The following GRIN2B variants were observed in gnomAD, a reference collection of about 807,000 sequenced individuals.
GRIN2B encodes the protein glutamate ionotropic receptor NMDA type subunit 2B.
GRIN2B carries 5 observed loss-of-function variants against 114.5 expected under a neutral mutation model. That is an observed-to-expected ratio of 0.04 (90% CI 0.02 to 0.09). The LOEUF (loss-of-function observed/expected upper bound fraction) is 0.09. Among genes scored for constraint, GRIN2B ranks in the 10% least tolerant of loss-of-function variants. The pLI is 1.00. For synonymous variants in GRIN2B, 787 were observed against 745.1 expected (o/e 1.06, Z -0.92); for missense variants, 1,108 against 1,943.5 (o/e 0.57, Z 8.08).
chr12:13,964,869 A>G (rs1867762050), intron 2 of GRIN2B, among the ~76,000 whole-genome samples: 1 of 152,216 alleles, frequency 6.6e-6, no homozygotes, highest in African/African-American at 2.4e-5. Context: ...CTCATTCCTC[A>G]GCAGGAGCTC....
At chr12:13,565,157 GA>G (rs1242211065) in intron 13 of GRIN2B, among the ~76,000 whole-genome samples, 1 of 152,210 alleles carries the variant, frequency 6.6e-6, no homozygotes, top group Admixed American at 6.5e-5. Context: ...TTCTAGCTCT[GA>G]CAAATTTTAA....
At chr12:13,771,341 A>G (rs372550327) in intron 3 of GRIN2B, among the ~76,000 whole-genome samples, 25 of 152,220 alleles carry the variant, frequency 1.6e-4, no homozygotes, top group African/African-American at 4.8e-4. Context: ...TATTAACAGC[A>G]TGAGATTAGA....
chr12:13,714,731 C>G (rs188842724), intron 4 of GRIN2B, among the ~76,000 whole-genome samples: 359 of 151,938 alleles, frequency 2.4e-3, no homozygotes, highest in Admixed American at 7.9e-3. Context: ...TACAAATCAC[C>G]TAATTTTTTT....
chr12:13,572,085 A>G (rs1591612524), intron 10 of GRIN2B, 121 bp from the exon 11 acceptor site: 1 of 792,756 alleles, frequency 1.3e-6, no homozygotes, highest in East Asian at 2.7e-5. Flanking sequence ...TTATAATGGA[A>G]GGGACCCAAC....
At chr12:13,686,761 A>G in intron 4 of GRIN2B, among the ~76,000 whole-genome samples, 1 of 152,132 alleles carries the variant, frequency 6.6e-6, no homozygotes, top group East Asian at 1.9e-4. Context: ...CAGCTGCAAA[A>G]TCATCAATAA....
At chr12:13,607,902 T>C (rs117450272) in intron 10 of GRIN2B, among the ~76,000 whole-genome samples, 4,946 of 152,240 alleles carry the variant, frequency 0.032, 109 homozygotes, top group South Asian at 0.077. Context: ...AGATCTCCCA[T>C]GGAAAATGTG....
At chr12:13,949,712 C>T (rs986154078) in intron 2 of GRIN2B, among the ~76,000 whole-genome samples, 15 of 152,102 alleles carry the variant, frequency 9.9e-5, no homozygotes, top group African/African-American at 3.6e-4. Flanking sequence ...TCACAAACCA[C>T]GATGCCAAGA....
At chr12:13,669,891 C>A (rs1285678789) in intron 5 of GRIN2B, among the ~76,000 whole-genome samples, 1 of 152,104 alleles carries the variant, frequency 6.6e-6, no homozygotes, top group Non-Finnish European at 1.5e-5. Flanking sequence ...GCTAGGATCA[C>A]AGAGCCCCCA....
intron 3 of GRIN2B, among the ~76,000 whole-genome samples, chr12:13,857,077 A>G (rs1052383512): frequency 5.9e-5 from 9 of 152,192 alleles, no homozygotes; most frequent in African/African-American, 1.9e-4. Flanking sequence ...TGAAAAGTCC[A>G]TTGGATTTGG....
At chr12:13,574,148 G>A (rs1284016008) in intron 10 of GRIN2B, among the ~76,000 whole-genome samples, 1 of 152,160 alleles carries the variant, frequency 6.6e-6, no homozygotes, top group Non-Finnish European at 1.5e-5. Flanking sequence ...ATCACACAGT[G>A]GCATTGATAG....
chr12:13,921,065 T>C (rs1866814290), intron 2 of GRIN2B, among the ~76,000 whole-genome samples: 1 of 152,138 alleles, frequency 6.6e-6, no homozygotes, highest in African/African-American at 2.4e-5. Context: ...TATATTGAAA[T>C]AATCACTGAA....
intron 4 of GRIN2B, among the ~76,000 whole-genome samples, chr12:13,682,546 C>A (rs1950140767): frequency 6.6e-6 from 1 of 152,086 alleles, no homozygotes; most frequent in Admixed American, 6.5e-5. Flanking sequence ...ATAAAATGTT[C>A]AAGTTTGGGC....
At chr12:13,979,706 C>G (rs1180626373) in intron 2 of GRIN2B, among the ~76,000 whole-genome samples, 1 of 152,038 alleles carries the variant, frequency 6.6e-6, no homozygotes, top group African/African-American at 2.4e-5. Flanking sequence ...ACATCCACCC[C>G]CACTGCCCCC....
At chr12:13,637,419 A>G (rs1949675724) in intron 5 of GRIN2B, among the ~76,000 whole-genome samples, 1 of 152,170 alleles carries the variant, frequency 6.6e-6, no homozygotes, top group Non-Finnish European at 1.5e-5. Flanking sequence ...ATGTAAGTAT[A>G]GAAAAGGACA....
intron 2 of GRIN2B, among the ~76,000 whole-genome samples, chr12:13,900,198 G>C (rs191489176): frequency 5.3e-5 from 8 of 152,118 alleles, no homozygotes; most frequent in Non-Finnish European, 1.2e-4. Context: ...ATAAGGCCGG[G>C]CACGGTGGCT....
intron 2 of GRIN2B, among the ~76,000 whole-genome samples, chr12:13,962,141 C>T (rs1353339313): frequency 3.4e-5 from 5 of 145,784 alleles, no homozygotes; most frequent in African/African-American, 5.0e-5. Context: ...GCTGGCTCTT[C>T]CACACAGTGA....
At chr12:13,649,323 C>T (rs1474929925) in intron 5 of GRIN2B, among the ~76,000 whole-genome samples, 10 of 152,134 alleles carry the variant, frequency 6.6e-5, no homozygotes, top group South Asian at 6.2e-4. Context: ...TTTAGGTTTT[C>T]GGCTGAAGCT....
intron 3 of GRIN2B, among the ~76,000 whole-genome samples, chr12:13,814,345 G>C (rs1168522473): frequency 6.6e-6 from 1 of 152,214 alleles, no homozygotes; most frequent in Non-Finnish European, 1.5e-5. Context: ...GGGTTGGCTG[G>C]ATGACCAGCA....
chr12:13,709,632 C>A (rs1447941703), intron 4 of GRIN2B, among the ~76,000 whole-genome samples: 2 of 151,960 alleles, frequency 1.3e-5, no homozygotes, highest in Non-Finnish European at 2.9e-5. Flanking sequence ...AGTACCTTCT[C>A]CTTGAGGCTC....
Sources: allele counts gnomAD v4.1 joint callset (sites outside exome capture counted in the v4.1 genomes callset), GRCh38; gene constraint gnomAD v4.1.1; transcripts MANE v1.5; gene names NCBI Gene and HGNC (gene_info 2026-07-23, HGNC 2026-07-21).